REC114: variants seen among roughly 807,000 people sequenced by gnomAD.
The protein encoded by REC114 is REC114 meiotic recombination protein, also known as meiotic recombination protein REC114.
Under a neutral mutation model 31.3 loss-of-function variants are expected in REC114, and 27 were observed. The ratio of observed to expected loss-of-function variants is 0.86; its 90% CI spans 0.64 to 1.19. REC114 has a LOEUF of 1.19. Among genes scored for constraint, REC114 ranks in the 50% most tolerant of loss-of-function variants. The pLI, the probability that REC114 is intolerant of heterozygous loss-of-function variation, is 0.00. For synonymous variants in REC114, 134 were observed against 127.7 expected (o/e 1.05, Z -0.33); for missense variants, 344 against 326.9 (o/e 1.05, Z -0.40).
intron 2 of REC114, among the ~76,000 whole-genome samples, chr15:73,536,852 A>G (rs1347557048): frequency 6.6e-6 from 1 of 152,232 alleles, no homozygotes; most frequent in Non-Finnish European, 1.5e-5. Flanking sequence ...GGCATGAAAT[A>G]GTCTAATTAA....
At chr15:73,558,321 T>G (rs1044899510) in intron 5 of REC114, among the ~76,000 whole-genome samples, 1 of 152,208 alleles carries the variant, frequency 6.6e-6, no homozygotes, top group Non-Finnish European at 1.5e-5. Flanking sequence ...AGAATTAATG[T>G]GAGGAGTCAA....
chr15:73,555,364 G>C (rs549889631), intron 4 of REC114, among the ~76,000 whole-genome samples: 1 of 152,158 alleles, frequency 6.6e-6, no homozygotes, highest in Non-Finnish European at 1.5e-5. Context: ...CTGCAGACAT[G>C]TGGCTAGGAA....
chr15:73,447,650 A>AATAAATAG (rs1325773280), intron 1 of REC114, among the ~76,000 whole-genome samples: 1 of 122,406 alleles, frequency 8.2e-6, no homozygotes, highest in African/African-American at 3.4e-5. Flanking sequence ...TCTGTCTCAA[A>AATAAATAG]ATAAATAAAT....
rs577979993 is a variant in REC114, at chr15:73,508,427, T to C, written c.250-32058T>C. On this transcript the variant is annotated intron_variant, in intron 2 of 5. Coordinates refer to ENST00000331090, the MANE Select transcript of REC114 (RefSeq NM_001042367.2). Reference sequence around the variant, plus strand: ...CCCTCTACCGCAGCACAGTTTCTTTTTTTTTTTTTCTTTTTTAATTTTTTT... The same window carrying C: ...CCCTCTACCGCAGCACAGTTTCTTTCTTTTTTTTTCTTTTTTAATTTTTTT... Among the ~76,000 whole-genome samples, 5 of 151,738 alleles carry C rather than the reference T, an allele frequency of 3.3e-5. No homozygotes were observed. The East Asian group carries it at 9.7e-4, about 29-fold the overall frequency.
At chr15:73,508,992 T>TACC (rs1893723999) in intron 2 of REC114, among the ~76,000 whole-genome samples, 1 of 150,476 alleles carries the variant, frequency 6.6e-6, no homozygotes, top group Admixed American at 6.6e-5. Context: ...ATGGTATTTC[T>TACC]AGTTCTAGAT....
intron 1 of REC114, among the ~76,000 whole-genome samples, chr15:73,463,690 G>A (rs560181295): frequency 9.9e-5 from 15 of 152,058 alleles, no homozygotes; most frequent in Admixed American, 7.9e-4. Context: ...GTATGGTGGC[G>A]CATGCCTGTA....
intron 1 of REC114, among the ~76,000 whole-genome samples, chr15:73,458,080 C>T (rs370803761): frequency 6.6e-6 from 1 of 152,104 alleles, no homozygotes; most frequent in East Asian, 1.9e-4. Flanking sequence ...TGGGGTGGCT[C>T]TCTAATTGAT....
intron 3 of REC114, among the ~76,000 whole-genome samples, chr15:73,542,677 T>C (rs1305130230): frequency 6.6e-6 from 1 of 152,190 alleles, no homozygotes; most frequent in Non-Finnish European, 1.5e-5. Flanking sequence ...CTCTTGTGGA[T>C]TGGCTTGTGC....
chr15:73,489,023 C>T (rs570959810), intron 2 of REC114, among the ~76,000 whole-genome samples: 32 of 152,178 alleles, frequency 2.1e-4, no homozygotes, highest in Admixed American at 2.0e-4. Flanking sequence ...TCTTATAGTT[C>T]TGGAGGCTGG....
At chr15:73,529,055 G>T (rs1305260334) in intron 2 of REC114, among the ~76,000 whole-genome samples, 1 of 151,942 alleles carries the variant, frequency 6.6e-6, no homozygotes, top group Non-Finnish European at 1.5e-5. Context: ...TTACGGAATT[G>T]TTAATTTTTA....
intron 2 of REC114, among the ~76,000 whole-genome samples, chr15:73,516,815 T>C (rs1260493212): frequency 2.6e-5 from 4 of 152,076 alleles, no homozygotes; most frequent in Admixed American, 2.6e-4. Flanking sequence ...TTAGTAGAGA[T>C]GGGGTTTTAC....
intron 2 of REC114, among the ~76,000 whole-genome samples, chr15:73,514,166 G>A (rs1300934487): frequency 2.0e-5 from 3 of 151,576 alleles, no homozygotes; most frequent in African/African-American, 7.3e-5. Flanking sequence ...TTTTAAGCCG[G>A]TCTGAAAAGC....
intron 3 of REC114, among the ~76,000 whole-genome samples, chr15:73,549,620 T>C (rs1268728899): frequency 6.6e-6 from 1 of 152,198 alleles, no homozygotes; most frequent in East Asian, 1.9e-4. Context: ...GTACCTAAAA[T>C]TTTAGAAATT....
At chr15:73,483,303 G>C (rs1486844855) in intron 2 of REC114, 2 of 155,824 alleles carry the variant, frequency 1.3e-5, no homozygotes, top group Non-Finnish European at 2.9e-5. Context: ...AACTTTTAAA[G>C]GCTGTTTTTG....
intron 2 of REC114, among the ~76,000 whole-genome samples, chr15:73,498,393 GTTTTA>G (rs967389446): frequency 4.0e-4 from 61 of 152,060 alleles, no homozygotes; most frequent in African/African-American, 1.3e-3. Flanking sequence ...CCTTTTTTAT[GTTTTA>G]TTTTGTCTTT....
At chr15:73,491,375 T>C (rs1893444295) in intron 2 of REC114, among the ~76,000 whole-genome samples, 2 of 151,902 alleles carry the variant, frequency 1.3e-5, no homozygotes, top group South Asian at 4.2e-4. Context: ...TTTCTTTGTG[T>C]ATTATCTTAA....
intron 2 of REC114, among the ~76,000 whole-genome samples, chr15:73,495,609 A>G (rs944396137): frequency 3.9e-5 from 6 of 151,908 alleles, no homozygotes; most frequent in African/African-American, 1.4e-4. Context: ...TTACAGGCAT[A>G]AGAAGCTTAG....
intron 2 of REC114, among the ~76,000 whole-genome samples, chr15:73,530,162 A>G (rs1039920115): frequency 6.6e-6 from 1 of 152,230 alleles, no homozygotes; most frequent in Non-Finnish European, 1.5e-5. Context: ...TAAGTGTGGA[A>G]TAGGTACTTT....
chr15:73,534,678 T>G (rs1309504201), intron 2 of REC114, among the ~76,000 whole-genome samples: 1 of 152,226 alleles, frequency 6.6e-6, no homozygotes, highest in African/African-American at 2.4e-5. Context: ...TAACTCATTT[T>G]ATGAAGCCAG....
Sources: allele counts gnomAD v4.1 joint callset (sites outside exome capture counted in the v4.1 genomes callset), GRCh38; gene constraint gnomAD v4.1.1; transcripts MANE v1.5; gene names NCBI Gene and HGNC (gene_info 2026-07-23, HGNC 2026-07-21).